RICTOR: variants seen among roughly 807,000 people sequenced by gnomAD.
The protein encoded by RICTOR is RPTOR independent companion of MTOR complex 2.
RICTOR carries 49 observed loss-of-function variants against 214.9 expected under a neutral mutation model. The ratio of observed to expected loss-of-function variants is 0.23; its 90% confidence interval spans 0.18 to 0.29. The LOEUF is 0.29. Ranked by LOEUF, RICTOR falls within the 10% of genes least tolerant of loss-of-function variation. The probability of loss-of-function intolerance (pLI) is 1.00; values close to 1 mark genes in which losing one functional copy is unlikely to be tolerated. For missense variants in RICTOR, 1,625 were observed against 2,047.0 expected, an observed-to-expected ratio of 0.79 and a Z score of 3.98; for synonymous variants, 717 against 711.3, an observed-to-expected ratio of 1.01 and a Z score of -0.13.
Position 38,950,458 on chromosome 5 carries a change from T to A in RICTOR, c.3390A>T (p.Arg1130=). The A allele has an allele frequency of 6.2e-7, 1 of 1,613,624 alleles. No homozygotes were observed. The highest frequency in any genetic ancestry group is 8.5e-7 in the Non-Finnish European group (1 of 1,179,690). ...LSSESKTSNR[R]IRTLTEPSVD... ...CACTGGGCTCCGTAAGTGTTCTGAT[T>A]CGCCTGTTGCTTGTCTTACTTTCAG... Residue 1130 remains arginine (R), a synonymous_variant, in exon 31 of 38, where the codon CGA becomes CGT. Transcript: ENST00000357387.
intron 2 of RICTOR, among the ~76,000 whole-genome samples, chr5:39,067,783 A>T (rs1489872280): frequency 6.6e-6 from 1 of 152,198 alleles, no homozygotes; most frequent in East Asian, 1.9e-4. Context: ...TCTCCATTTT[A>T]TGGCACCATC....
At position 39,074,339 on chromosome 5, in the gene RICTOR, G is replaced by A; in HGVS notation, c.39C>T (p.Leu13=). 6.5e-7 allele frequency: 1 copy of A among 1,541,774 alleles called. No individual in the cohort carries two copies. The highest frequency in any genetic ancestry group is 8.7e-7 in the Non-Finnish European group (1 of 1,143,188). Reference sequence around the variant, plus strand: ...TTGCAGCGGGCTTACCTCGTACTCGGAGGTTCTTCAGAGAGCGGCCGCGGC... The same window carrying A: ...TTGCAGCGGGCTTACCTCGTACTCGAAGGTTCTTCAGAGAGCGGCCGCGGC... ...AIGRGRSLKN[L]RVRGRNDSGE... is the part of the protein sequence containing the mutation. Residue 13 remains leucine, a synonymous_variant, in exon 1 of 38, where the codon CTC becomes CTT. Transcript: ENST00000357387.
At position 38,941,569 on chromosome 5, in the gene RICTOR, T is replaced by C. The variant is rs1747575100; in HGVS notation, c.*735A>G. On this transcript the variant is annotated 3_prime_UTR_variant, in exon 38 of 38. Transcript: ENST00000357387. ...TATTTTTAATTAAAATAAAAAATGA[T>C]TTTTAAATTTTATTCAAGAACTGTA... 1 of 231,162 alleles carries C rather than the reference T, an allele frequency of 4.3e-6. No homozygotes were observed. The highest frequency in any genetic ancestry group is 8.6e-6 in the Non-Finnish European group (1 of 116,758). The allele number at this position is 231,162 out of a possible 1,614,324, so 14.3% of individuals were successfully genotyped here.
At chr5:39,043,601 G>A (rs1051899588) in intron 2 of RICTOR, among the ~76,000 whole-genome samples, 7 of 152,152 alleles carry the variant, frequency 4.6e-5, no homozygotes, top group Non-Finnish European at 4.4e-5. Context: ...ATAACTAGGA[G>A]AAAGGATTTT....
chr5:38,999,027 CAAAAA>C (rs1186312478), intron 5 of RICTOR, among the ~76,000 whole-genome samples: 2 of 25,340 alleles, frequency 7.9e-5, no homozygotes, highest in African/African-American at 1.6e-4. Context: ...AACAAACAGG[CAAAAA>C]AAAAAAAAAA....
chr5:39,043,332 C>T (rs1246612292), intron 2 of RICTOR, among the ~76,000 whole-genome samples: 1 of 152,046 alleles, frequency 6.6e-6, no homozygotes, highest in Non-Finnish European at 1.5e-5. Flanking sequence ...TTATCATTTG[C>T]AACAACATGG....
At position 38,955,650 on chromosome 5, in the gene RICTOR, T is replaced by C. The variant is rs756803533; in HGVS notation, c.2554A>G (p.Thr852Ala). The C allele has an allele frequency of 6.2e-7, 1 of 1,611,216 alleles. No individual in the cohort carries two copies. Among genetic ancestry groups the C allele is most frequent in the Non-Finnish European group, 8.5e-7 (1 of 1,177,432 alleles). The change falls in exon 26 of 38, where the codon ACT becomes GCT. Residue 852 changes from threonine to alanine, a missense_variant. Transcript: ENST00000357387. ...LIEEQLNEALTTYRKPVDGDN... is the reference protein window; with the variant it reads ...LIEEQLNEALATYRKPVDGDN... ...CCATCAACAGGCTTCCGGTAAGTAG[T>C]AAGTGCTTCATTGAGTTGTTCCTCA...
Position 39,037,623 on chromosome 5 carries a change from T to A in RICTOR, c.98-16487A>T, listed in dbSNP as rs533893274. On this transcript the variant is annotated intron_variant, in intron 2 of 37. Transcript: ENST00000357387. ...AGAATCAAATAGACGCAATAAAAAA[T>A]GACAAAGGGGGTATCACCACCAATC... Among the ~76,000 whole-genome samples, 488 of 152,134 alleles carry A rather than the reference T, an allele frequency of 3.2e-3. 2 individuals are homozygous for A. The highest frequency in any genetic ancestry group is 4.8e-3 in the Non-Finnish European group (326 of 67,996).
chr5:38,958,722 T>C lies in RICTOR; in HGVS notation c.2288A>G (p.Asn763Ser), dbSNP rs371531694. The change falls in exon 23 of 38, where the codon AAC becomes AGC. Residue 763 changes from asparagine (N) to serine (S), a missense_variant. Physicochemically the swap from Asn to Ser is conservative, Grantham distance 46 (BLOSUM62 1). Coordinates refer to ENST00000357387, the MANE Select transcript of RICTOR (RefSeq NM_152756.5). ...AAGAGCTTCAGAGGAAATCGTTTTG[T>C]TTTTATCATGTAGCTGGGTCACTAA... is the stretch of plus-strand genomic sequence containing the variant. The part of the protein sequence containing the change: ...ELLVTQLHDK[N>S]KTISSEALDI... 1 of 1,612,140 alleles carries C rather than the reference T, an allele frequency of 6.2e-7. No individual in the cohort carries two copies. The highest frequency in any genetic ancestry group is 1.3e-5 in the African/African-American group (1 of 74,848).
chr5:38,973,750 A>G (rs964227974), intron 10 of RICTOR, among the ~76,000 whole-genome samples: 3 of 152,206 alleles, frequency 2.0e-5, no homozygotes, highest in Admixed American at 2.0e-4. Flanking sequence ...GAAATTACAG[A>G]TAAGATATAG....
In RICTOR at chr5:38,940,435, A is replaced by G. The variant is rs972594053; in HGVS notation, c.*1869T>C. The G allele has an allele frequency of 8.6e-6, 2 of 232,724 alleles. No homozygotes were observed. The highest frequency in any genetic ancestry group is 1.1e-4 in the Admixed American group (2 of 17,770). The allele number at this position is 232,724 out of a possible 1,614,324, so 14.4% of individuals were successfully genotyped here. ...CACTATTTGGTCTAGTAACTCTGAC[A>G]TTTGGTTCTCTGGAAAGGCAGTTTA... is the stretch of plus-strand genomic sequence containing the variant. On this transcript the variant is annotated 3_prime_UTR_variant, in exon 38 of 38. Coordinates refer to ENST00000357387, the MANE Select transcript of RICTOR (RefSeq NM_152756.5).
intron 36 of RICTOR, among the ~76,000 whole-genome samples, chr5:38,943,767 T>C (rs1964350): frequency 0.97 from 146,915 of 151,958 alleles, 71,075 homozygotes; most frequent in East Asian, 0.99. Context: ...GAGCCGAGAT[T>C]GCACCACTGC....
chr5:38,942,564 C>T (rs1309094698), intron 37 of RICTOR, among the ~76,000 whole-genome samples, 186 bp from the exon 38 acceptor site: 1 of 150,886 alleles, frequency 6.6e-6, no homozygotes, highest in Non-Finnish European at 1.5e-5. Flanking sequence ...GATCCTCCCA[C>T]CTCAGCCTCC....
chr5:39,004,672 C>A (rs1288847070), intron 3 of RICTOR, among the ~76,000 whole-genome samples: 2 of 150,856 alleles, frequency 1.3e-5, no homozygotes. Flanking sequence ...GTTGGCCAGG[C>A]TGGTCTCGAA....
Position 38,967,483 on chromosome 5 carries a change from A to G in RICTOR, c.1061-56T>C, listed in dbSNP as rs899856980. Reference sequence around the variant, plus strand: ...ATTAGATATCACTGAAACATTTCAGATAAGTATAAAACCATCAGCTAGCCA... The same window carrying G: ...ATTAGATATCACTGAAACATTTCAGGTAAGTATAAAACCATCAGCTAGCCA... On this transcript the variant is annotated intron_variant, in intron 12 of 37. Transcript: ENST00000357387. 2.2e-5 allele frequency: 29 copies of G among 1,304,592 alleles called. No individual in the cohort carries two copies. The South Asian group carries it at 2.4e-4, about 11-fold the overall frequency. The allele number at this position is 1,304,592 out of a possible 1,614,324, so 80.8% of individuals were successfully genotyped here.
chr5:39,032,782 A>T (rs1014728050), intron 2 of RICTOR, among the ~76,000 whole-genome samples: 2 of 152,240 alleles, frequency 1.3e-5, no homozygotes, highest in Non-Finnish European at 2.9e-5. Context: ...ACCATGAAGC[A>T]CTTCTTGAGA....
At chr5:38,977,664 C>G (rs1751355910) in intron 9 of RICTOR, among the ~76,000 whole-genome samples, 1 of 134,934 alleles carries the variant, frequency 7.4e-6, no homozygotes, top group South Asian at 2.4e-4. Flanking sequence ...GGTGTGATCT[C>G]AGCTCAATGC....
intron 3 of RICTOR, among the ~76,000 whole-genome samples, chr5:39,010,144 C>T (rs1006413116): frequency 6.6e-6 from 1 of 152,132 alleles, no homozygotes; most frequent in African/African-American, 2.4e-5. Context: ...GACCATATCA[C>T]CCTGAACACA....
At chr5:39,025,997 T>C (rs917535304) in intron 2 of RICTOR, among the ~76,000 whole-genome samples, 1 of 152,154 alleles carries the variant, frequency 6.6e-6, no homozygotes, top group Non-Finnish European at 1.5e-5. Flanking sequence ...TGACTAGATA[T>C]AGAAATAGCA....
Sources: allele counts gnomAD v4.1 joint callset (sites outside exome capture counted in the v4.1 genomes callset), GRCh38; gene constraint gnomAD v4.1.1; transcripts MANE v1.5; gene names NCBI Gene and HGNC (gene_info 2026-07-23, HGNC 2026-07-21).